TRPM2: variants seen among roughly 807,000 people sequenced by gnomAD.
TRPM2 encodes the protein estrogen-responsive element-associated gene 1 protein.
Under a neutral mutation model 174.0 loss-of-function variants are expected in TRPM2, and 161 were observed. That is an observed-to-expected ratio of 0.93 (90% CI 0.81 to 1.05). The LOEUF (loss-of-function observed/expected upper bound fraction) is 1.05, where lower values mean the gene tolerates loss of function less well. Ranked by LOEUF, TRPM2 falls within the 50% of genes least tolerant of loss-of-function variation. The pLI, the probability that TRPM2 is intolerant of heterozygous loss-of-function variation, is 0.00. For missense variants in TRPM2, 2,057 were observed against 2,038.0 expected (o/e 1.01, Z -0.18); for synonymous variants, 954 against 861.3 (o/e 1.11, Z -1.88).
chr21:44,427,361 G>A (rs1271726036), intron 27 of TRPM2, among the ~76,000 whole-genome samples: 3 of 152,200 alleles, frequency 2.0e-5, no homozygotes, highest in East Asian at 1.9e-4. Flanking sequence ...ATCTGGGGAC[G>A]TGGATTTGTC....
chr21:44,411,003 G>T (rs893004400), intron 19 of TRPM2, among the ~76,000 whole-genome samples: 1 of 150,798 alleles, frequency 6.6e-6, no homozygotes, highest in African/African-American at 2.4e-5. Context: ...GCGTAGCCTT[G>T]TAGTAAGTTT....
intron 27 of TRPM2, among the ~76,000 whole-genome samples, chr21:44,434,817 G>C (rs939345046): frequency 6.6e-6 from 1 of 152,126 alleles, no homozygotes; most frequent in African/African-American, 2.4e-5. Context: ...CGAGCAGTCG[G>C]CCAGTTCCAT....
intron 16 of TRPM2, among the ~76,000 whole-genome samples, chr21:44,404,598 C>CGTGATGATA (rs536112131): frequency 2.6e-5 from 4 of 152,094 alleles, no homozygotes; most frequent in African/African-American, 9.7e-5. Flanking sequence ...ATTTGCTGAC[C>CGTGATGATA]GTGATGATAG....
intron 22 of TRPM2, among the ~76,000 whole-genome samples, chr21:44,422,098 G>T (rs1410635503): frequency 6.6e-6 from 1 of 152,236 alleles, no homozygotes; most frequent in African/African-American, 2.4e-5. Flanking sequence ...GCAGAACACG[G>T]GCTCCAGGGA....
At chr21:44,406,528 C>G (rs755636239) in intron 18 of TRPM2, 66 bp from the exon 19 acceptor site, 22 of 1,526,870 alleles carry the variant, frequency 1.4e-5, no homozygotes, top group Non-Finnish European at 1.9e-5. Context: ...GCTGCTGGGC[C>G]TGCCTCTGGG....
At chr21:44,356,648 G>C (rs1179633505) in intron 2 of TRPM2, among the ~76,000 whole-genome samples, 10 of 150,626 alleles carry the variant, frequency 6.6e-5, no homozygotes, top group Non-Finnish European at 1.5e-5. Flanking sequence ...TCACCATGTT[G>C]GCCAGGCTGG....
intron 12 of TRPM2, among the ~76,000 whole-genome samples, chr21:44,397,543 C>G (rs989931396): frequency 6.6e-6 from 1 of 152,090 alleles, no homozygotes; most frequent in Non-Finnish European, 1.5e-5. Context: ...ACAGGCCACG[C>G]AGGAGCCTGG....
At chr21:44,355,048 T>C (rs2146108964) in intron 2 of TRPM2, among the ~76,000 whole-genome samples, 1 of 152,000 alleles carries the variant, frequency 6.6e-6, no homozygotes, top group South Asian at 2.1e-4. Context: ...CATCCTCTAA[T>C]CCTCTCATTT....
At chr21:44,403,778 T>C (rs2049729807) in intron 16 of TRPM2, among the ~76,000 whole-genome samples, 1 of 151,010 alleles carries the variant, frequency 6.6e-6, no homozygotes, top group African/African-American at 2.4e-5. Context: ...TATACATGCA[T>C]GCACACATAC....
intron 24 of TRPM2, 132 bp from the exon 25 acceptor site, chr21:44,425,537 TG>T: frequency 8.8e-7 from 1 of 1,132,008 alleles, no homozygotes; most frequent in Non-Finnish European, 1.2e-6. Context: ...TCGACCTGCA[TG>T]GCCATTTGGG....
At chr21:44,416,812 C>G (rs1234501832) in intron 20 of TRPM2, 2 of 178,366 alleles carry the variant, frequency 1.1e-5, no homozygotes, top group East Asian at 2.1e-4. Context: ...GGGCATGGCT[C>G]TGCTCTCTGG....
In TRPM2 at chr21:44,438,942, C is replaced by T; in HGVS notation, c.4168-125C>T. ...TCACTGCAGCCTGAGATGCCGCCTGCCTGTGGCTCCCAGGGCTGGGCCGCT... is the reference window on the plus strand; with the variant it reads ...TCACTGCAGCCTGAGATGCCGCCTGTCTGTGGCTCCCAGGGCTGGGCCGCT... On this transcript the variant is annotated intron_variant, in intron 29 of 31. Transcript: ENST00000397928. This position sits in a 1 kb window ranked among gnomAD's most constrained non-coding sequence, Gnocchi z 5.9. 1 of 679,574 alleles carries T rather than the reference C, an allele frequency of 1.5e-6. No homozygotes were observed. Among genetic ancestry groups the T allele is most frequent in the Non-Finnish European group, 2.5e-6 (1 of 402,976 alleles). 42.1% of individuals were successfully genotyped at this position (679,574 alleles called of 1,614,324 possible). A position where few individuals can be genotyped will look rare whatever the true frequency, so the allele number is the denominator to read the frequency against.
chr21:44,371,774 A>G (rs2048548628), intron 5 of TRPM2, among the ~76,000 whole-genome samples: 1 of 152,192 alleles, frequency 6.6e-6, no homozygotes. Context: ...GATTCAGCCA[A>G]CTGCGGTCCT....
In TRPM2 at chr21:44,391,007, G is replaced by A; in HGVS notation, c.1422G>A (p.Met474Ile). The A allele has an allele frequency of 3.7e-6, 6 of 1,614,010 alleles. No individual in the cohort carries two copies. The highest frequency in any genetic ancestry group is 4.2e-6 in the Non-Finnish European group (5 of 1,180,018). Residue 474 changes from methionine to isoleucine, a missense_variant, in exon 10 of 32, where the codon ATG becomes ATA. Met to Ile is a conservative substitution (Grantham distance 10). Coordinates refer to ENST00000397928, the MANE Select transcript of TRPM2 (RefSeq NM_003307.4). The surrounding 1 kb of genome is among the most constrained non-coding windows in gnomAD (Gnocchi z 5.0). ...ACATTGCCCGCAGTGAGATCTTCATGGATGAGTGGCAGTGGAAGGTAAGTC... is the reference window on the plus strand; with the variant it reads ...ACATTGCCCGCAGTGAGATCTTCATAGATGAGTGGCAGTGGAAGGTAAGTC... ...RVDIARSEIF[M>I]DEWQWKPSDL... is the part of the protein sequence containing the mutation.
chr21:44,439,108 G>C lies in TRPM2; in HGVS notation c.4209G>C (p.Lys1403Asn). ...EPGEMLPRKL[K>N]RILRQEHWPS... is the part of the protein sequence containing the mutation. ...GGGAGATGCTACCTCGGAAGCTGAA[G>C]CGGATCCTCCGGCAGGAGCACTGGC... is the stretch of plus-strand genomic sequence containing the variant. Residue 1403 changes from lysine (K) to asparagine (N), a missense_variant, in exon 30 of 32, where the codon AAG (lysine) becomes AAC (asparagine). Lys to Asn is a moderately conservative substitution (Grantham distance 94). Coordinates refer to ENST00000397928, the MANE Select transcript of TRPM2 (RefSeq NM_003307.4). The surrounding 1 kb of genome is among the most constrained non-coding windows in gnomAD (Gnocchi z 5.1). 1 of 1,613,782 alleles carries C rather than the reference G, an allele frequency of 6.2e-7. No homozygotes were observed. The highest frequency in any genetic ancestry group is 8.5e-7 in the Non-Finnish European group (1 of 1,179,908).
intron 5 of TRPM2, among the ~76,000 whole-genome samples, chr21:44,375,197 A>G (rs1207617146): frequency 1.3e-5 from 2 of 152,186 alleles, no homozygotes; most frequent in Non-Finnish European, 2.9e-5. Context: ...GGCGTGAGCC[A>G]CCGCGCCCGT....
intron 9 of TRPM2, among the ~76,000 whole-genome samples, chr21:44,383,269 C>T (rs1489834879): frequency 6.6e-6 from 1 of 152,150 alleles, no homozygotes; most frequent in Non-Finnish European, 1.5e-5. Context: ...TAGCCTGGCC[C>T]ATTCTCCAGG....
At position 44,406,483 on chromosome 21, in the gene TRPM2, G is replaced by A. The variant is rs796963729; in HGVS notation, c.2791-111G>A. The A allele has an allele frequency of 8.3e-6, 11 of 1,323,056 alleles. No individual in the cohort carries two copies. The African/African-American group carries it at 1.2e-4, about 14-fold the overall frequency. The allele number at this position is 1,323,056 out of a possible 1,614,324, so 82.0% of individuals were successfully genotyped here. On this transcript the variant is annotated intron_variant, in intron 18 of 31. Coordinates refer to ENST00000397928, the MANE Select transcript of TRPM2 (RefSeq NM_003307.4). Reference sequence around the variant, plus strand: ...TGCTCCTGGGAGCCTCCTGCATGCCGTGTCTGTGCTGTGAGTGGCAGTGCT... The same window carrying A: ...TGCTCCTGGGAGCCTCCTGCATGCCATGTCTGTGCTGTGAGTGGCAGTGCT...
At chr21:44,381,006 C>T (rs1325481346) in intron 8 of TRPM2, among the ~76,000 whole-genome samples, 1 of 152,086 alleles carries the variant, frequency 6.6e-6, no homozygotes, top group Non-Finnish European at 1.5e-5. Flanking sequence ...TGCTGAAAGC[C>T]AGGAGACCTT....
Sources: gnomAD v4.1 joint callset for allele counts (sites outside exome capture counted in the v4.1 genomes callset) on GRCh38, gnomAD v4.1.1 for gene constraint, Gnocchi (gnomAD v3.1) non-coding constraint, MANE v1.5 for transcripts, NCBI Gene and HGNC (gene_info 2026-07-23, HGNC 2026-07-21) for gene names.